The following NR2F1-AS1 variants were observed in gnomAD, a reference collection of about 807,000 sequenced individuals.
The protein encoded by NR2F1-AS1 is NR2F1 regulatory antisense RNA 1.
At chr5:93,491,371 G>C (rs894319251) in intron 4 of NR2F1-AS1, among the ~76,000 whole-genome samples, 2 of 150,808 alleles carry the variant, frequency 1.3e-5, no homozygotes, top group Non-Finnish European at 3.0e-5. Context: ...GTGATGGTGG[G>C]GGGGTGGTGG....
intron 4 of NR2F1-AS1, among the ~76,000 whole-genome samples, chr5:93,477,830 C>T (rs978024622): frequency 2.1e-4 from 32 of 152,174 alleles, no homozygotes; most frequent in African/African-American, 6.8e-4. Context: ...CATCTGAAGT[C>T]TAGTGAATTT....
intron 4 of NR2F1-AS1, among the ~76,000 whole-genome samples, chr5:93,444,945 T>G (rs1292079899): frequency 6.6e-6 from 1 of 152,208 alleles, no homozygotes; most frequent in Admixed American, 6.5e-5. Flanking sequence ...TGCTCCTGAA[T>G]GACTATTGGG....
chr5:93,527,292 T>C (rs1182471728), intron 4 of NR2F1-AS1, among the ~76,000 whole-genome samples: 1 of 152,022 alleles, frequency 6.6e-6, no homozygotes, highest in African/African-American at 2.4e-5. Context: ...TGACAAGAAA[T>C]GTGAAGGACC....
intron 4 of NR2F1-AS1, among the ~76,000 whole-genome samples, chr5:93,475,056 G>A (rs892020278): frequency 1.3e-5 from 2 of 151,736 alleles, no homozygotes; most frequent in African/African-American, 2.4e-5. Context: ...CCTGGGAGGC[G>A]GAGCTTGCAG....
At chr5:93,495,914 A>G (rs1750950898) in intron 4 of NR2F1-AS1, 1 of 152,130 alleles carries the variant, frequency 6.6e-6, no homozygotes, top group Non-Finnish European at 1.5e-5. Flanking sequence ...TGTTTTGTGG[A>G]TACTACAAAC....
chr5:93,536,275 T>C (rs1719154479), intron 4 of NR2F1-AS1, among the ~76,000 whole-genome samples: 1 of 152,052 alleles, frequency 6.6e-6, no homozygotes, highest in South Asian at 2.1e-4. Context: ...AAAGCACTGA[T>C]GAAAGAAATT....
At chr5:93,423,229 C>T (rs1749125214) in intron 4 of NR2F1-AS1, 1 of 152,092 alleles carries the variant, frequency 6.6e-6, no homozygotes, top group African/African-American at 2.4e-5. Context: ...TGTCCTGATC[C>T]GGGGCCTCTC....
chr5:93,455,066 G>A (rs954328312), intron 4 of NR2F1-AS1, among the ~76,000 whole-genome samples: 2 of 152,128 alleles, frequency 1.3e-5, no homozygotes, highest in Admixed American at 6.6e-5. Flanking sequence ...TTTACAGCTG[G>A]TTAGTCAAAA....
At chr5:93,489,023 T>C (rs776386782) in intron 4 of NR2F1-AS1, among the ~76,000 whole-genome samples, 3 of 152,042 alleles carry the variant, frequency 2.0e-5, no homozygotes, top group Non-Finnish European at 4.4e-5. Flanking sequence ...CCACATATTC[T>C]CACTCATAAG....
intron 4 of NR2F1-AS1, among the ~76,000 whole-genome samples, chr5:93,466,646 C>A (rs1750239288): frequency 6.6e-6 from 1 of 151,816 alleles, no homozygotes; most frequent in Non-Finnish European, 1.5e-5. Flanking sequence ...CCTAGAATTC[C>A]TTTGCTATTA....
At chr5:93,548,240 T>C (rs533463153) in intron 4 of NR2F1-AS1, among the ~76,000 whole-genome samples, 2 of 152,312 alleles carry the variant, frequency 1.3e-5, no homozygotes, top group South Asian at 2.1e-4. Flanking sequence ...TAGCAATCTA[T>C]TTAATCAATA....
At chr5:93,489,849 T>C (rs1288542328) in intron 4 of NR2F1-AS1, among the ~76,000 whole-genome samples, 1 of 152,204 alleles carries the variant, frequency 6.6e-6, no homozygotes, top group Non-Finnish European at 1.5e-5. Context: ...AATATACAAT[T>C]CTTAAAATGA....
In NR2F1-AS1 at chr5:93,443,655, A is replaced by G. The variant is rs1439631920; in HGVS notation, n.639-48113T>C. 3.9e-5 allele frequency among the ~76,000 whole-genome samples: 6 copies of G among 152,222 alleles called. No homozygotes were observed. In the East Asian group the frequency reaches 5.8e-4, roughly 15 times the overall value. On this transcript the variant is annotated intron_variant and non_coding_transcript_variant, in intron 4 of 5. Coordinates refer to ENST00000660523, the Ensembl canonical transcript of NR2F1-AS1. ...GATATTATCCAGGAGAACTTCCCCA[A>G]TCTAGAAAGACAGGCCAATATTCAA...
chr5:93,517,265 G>A (rs1458569953), intron 4 of NR2F1-AS1, among the ~76,000 whole-genome samples: 3 of 151,932 alleles, frequency 2.0e-5, no homozygotes. Flanking sequence ...TGGCATTGTA[G>A]AGTAGAGCCT....
chr5:93,429,068 C>T (rs1399479508), intron 4 of NR2F1-AS1, among the ~76,000 whole-genome samples: 1 of 152,134 alleles, frequency 6.6e-6, no homozygotes, highest in Non-Finnish European at 1.5e-5. Flanking sequence ...TGTTCTTAGT[C>T]ATGTGCAGTC....
chr5:93,465,911 T>TGG (rs1750218613), intron 4 of NR2F1-AS1, among the ~76,000 whole-genome samples: 1 of 31,306 alleles, frequency 3.2e-5, no homozygotes, highest in Admixed American at 4.7e-4. Context: ...ACATCACACA[T>TGG]GGGGGCCTGT....
At chr5:93,432,317 T>C (rs967097355) in intron 4 of NR2F1-AS1, 2 of 152,212 alleles carry the variant, frequency 1.3e-5, no homozygotes, top group Admixed American at 1.3e-4. Flanking sequence ...TTAATTCTAC[T>C]GAAACACCAA....
chr5:93,573,326 G>A (rs1752819170), intron 1 of NR2F1-AS1, among the ~76,000 whole-genome samples: 1 of 152,190 alleles, frequency 6.6e-6, no homozygotes, highest in South Asian at 2.1e-4. Flanking sequence ...GTGCTGTGGG[G>A]ATGCAGGATA....
intron 4 of NR2F1-AS1, among the ~76,000 whole-genome samples, chr5:93,455,319 A>G (rs891686360): frequency 6.6e-6 from 1 of 152,218 alleles, no homozygotes; most frequent in African/African-American, 2.4e-5. Flanking sequence ...CCCATATGTA[A>G]AGTTGTATGA....
Sources: gnomAD v4.1 joint callset for allele counts (sites outside exome capture counted in the v4.1 genomes callset) on GRCh38, gnomAD v4.1.1 for gene constraint, MANE v1.5 for transcripts, NCBI Gene and HGNC (gene_info 2026-07-23, HGNC 2026-07-21) for gene names.